CPNE8: variants seen among roughly 807,000 people sequenced by gnomAD.
CPNE8 encodes copine 8, also known as copine-8.
CPNE8 carries 45 observed loss-of-function variants against 81.5 expected under a neutral mutation model. The observed-to-expected ratio is 0.55, with a 90% CI of 0.44 to 0.71. The LOEUF is 0.71. CPNE8 is among the 30% of genes least tolerant of loss of function. CPNE8 has a pLI of 0.00. For missense variants in CPNE8, 594 were observed against 672.1 expected (o/e 0.88, Z 1.28); for synonymous variants, 252 against 226.3 (o/e 1.11, Z -1.02).
Position 38,716,479 on chromosome 12 carries a change from G to A in CPNE8, c.914+7293C>T, listed in dbSNP as rs567851887. On this transcript the variant is annotated intron_variant, in intron 13 of 19. Coordinates refer to ENST00000331366, the MANE Select transcript of CPNE8 (RefSeq NM_153634.3). ...AGATCAAGGAACAGAACAGAGAACC[G>A]AGGTGTAAAGCCAAATAGAACTAAC... is the stretch of plus-strand genomic sequence containing the variant. Among the ~76,000 whole-genome samples, 6 of 151,636 alleles carry A rather than the reference G, an allele frequency of 4.0e-5. No homozygotes were observed. In the South Asian group the frequency reaches 8.3e-4, roughly 21 times the overall value.
chr12:38,777,535 C>T (rs1941961256), intron 6 of CPNE8, among the ~76,000 whole-genome samples: 1 of 152,248 alleles, frequency 6.6e-6, no homozygotes, highest in Admixed American at 6.5e-5. Context: ...AGTATAATGT[C>T]TCAGGGCCTC....
intron 4 of CPNE8, among the ~76,000 whole-genome samples, chr12:38,841,434 T>C (rs1340552694): frequency 2.6e-5 from 4 of 152,162 alleles, no homozygotes; most frequent in Non-Finnish European, 5.9e-5. Flanking sequence ...AAAAATACAA[T>C]GTGTGACTCT....
At chr12:38,745,230 C>T (rs893121976) in intron 10 of CPNE8, among the ~76,000 whole-genome samples, 3 of 152,152 alleles carry the variant, frequency 2.0e-5, no homozygotes, top group African/African-American at 7.2e-5. Context: ...AATATCCATC[C>T]TTTTTTGATT....
rs572155677 is a variant in CPNE8 at position 38,744,683 on chromosome 12, AACTTCGGC to A, written c.723-14333_723-14326del. ...ACATTCTGAAGCTGTCATCTAGGCA[AACTTCGGC>A]AAGAAGCTGAACTTCTATTCATTTA... is the stretch of plus-strand genomic sequence containing the variant. On this transcript the variant is annotated intron_variant, in intron 10 of 19. Coordinates refer to ENST00000331366, the MANE Select transcript of CPNE8 (RefSeq NM_153634.3). Among the ~76,000 whole-genome samples the A allele has an allele frequency of 3.1e-3, 468 of 152,326 alleles. 1 individual carries two copies. The highest frequency in any genetic ancestry group is 0.01 in the African/African-American group (430 of 41,578).
At chr12:38,882,073 C>G (rs1207546097) in intron 1 of CPNE8, among the ~76,000 whole-genome samples, 1 of 152,152 alleles carries the variant, frequency 6.6e-6, no homozygotes, top group Non-Finnish European at 1.5e-5. Flanking sequence ...CATATCAGGT[C>G]CAAATCCCTG....
At chr12:38,878,128 G>A (rs566132052) in intron 1 of CPNE8, among the ~76,000 whole-genome samples, 1 of 152,168 alleles carries the variant, frequency 6.6e-6, no homozygotes, top group Non-Finnish European at 1.5e-5. Context: ...AATCCACCCC[G>A]TGGATATAAT....
intron 13 of CPNE8, among the ~76,000 whole-genome samples, chr12:38,712,606 C>T (rs568332572): frequency 6.6e-6 from 1 of 152,184 alleles, no homozygotes; most frequent in South Asian, 2.1e-4. Context: ...TGTATGGGGC[C>T]TGTTGATAAA....
chr12:38,697,022 G>A (rs577663557), intron 14 of CPNE8, among the ~76,000 whole-genome samples: 70 of 152,232 alleles, frequency 4.6e-4, no homozygotes, highest in South Asian at 1.2e-3. Flanking sequence ...ACTCCAGCCT[G>A]GGCGACAGAG....
chr12:38,727,499 AT>A (rs1940731030), intron 11 of CPNE8, among the ~76,000 whole-genome samples: 1 of 152,172 alleles, frequency 6.6e-6, no homozygotes, highest in Non-Finnish European at 1.5e-5. Flanking sequence ...CTTAAAAAAA[AT>A]GTGTCTTTTC....
chr12:38,674,715 CA>C (rs1372334432), intron 18 of CPNE8, among the ~76,000 whole-genome samples: 1 of 152,066 alleles, frequency 6.6e-6, no homozygotes, highest in African/African-American at 2.4e-5. Context: ...TTAGGGATTC[CA>C]GGGTCAGCAA....
chr12:38,682,471 T>C (rs1939432250), intron 16 of CPNE8, among the ~76,000 whole-genome samples: 1 of 152,120 alleles, frequency 6.6e-6, no homozygotes, highest in Non-Finnish European at 1.5e-5. Flanking sequence ...GGCAGGAGAA[T>C]TGCTTGAACC....
chr12:38,848,663 C>T lies in CPNE8; in HGVS notation c.187-1G>A. On this transcript the variant is annotated splice_acceptor_variant, in intron 3 of 19. Transcript: ENST00000331366. LOFTEE classifies it high-confidence loss of function. Reference sequence around the variant, plus strand: ...TATCAATTACTTCAGTTCTTCCAAACTGTGGAAAGAGAGAGAGAATTTAAA... The same window carrying T: ...TATCAATTACTTCAGTTCTTCCAAATTGTGGAAAGAGAGAGAGAATTTAAA... The T allele has an allele frequency of 1.3e-6, 2 of 1,585,478 alleles. No homozygotes were observed. The highest frequency in any genetic ancestry group is 1.7e-6 in the Non-Finnish European group (2 of 1,170,958).
At chr12:38,728,307 T>C (rs1442831451) in intron 11 of CPNE8, among the ~76,000 whole-genome samples, 4 of 152,052 alleles carry the variant, frequency 2.6e-5, no homozygotes, top group Non-Finnish European at 5.9e-5. Flanking sequence ...ATTACAAATA[T>C]ATTGAAAGAA....
chr12:38,697,506 G>C (rs1939826449), intron 14 of CPNE8, among the ~76,000 whole-genome samples: 1 of 152,030 alleles, frequency 6.6e-6, no homozygotes, highest in Non-Finnish European at 1.5e-5. Context: ...TAAGTCTCTT[G>C]AGTATATATC....
intron 1 of CPNE8, among the ~76,000 whole-genome samples, chr12:38,890,168 TTTTC>T (rs972526443): frequency 2.0e-4 from 30 of 149,426 alleles, no homozygotes; most frequent in Admixed American, 4.0e-4. Flanking sequence ...GGCTTTATAA[TTTTC>T]TTTTTTTTTC....
intron 5 of CPNE8, among the ~76,000 whole-genome samples, chr12:38,837,308 A>G (rs931977471): frequency 6.6e-6 from 1 of 152,176 alleles, no homozygotes; most frequent in Non-Finnish European, 1.5e-5. Flanking sequence ...AATTATTCTC[A>G]AGATAAATCA....
chr12:38,756,038 T>TAAAAAAA (rs1941451697), intron 10 of CPNE8, among the ~76,000 whole-genome samples: 1 of 11,718 alleles, frequency 8.5e-5, no homozygotes. Context: ...AGACTCCGTC[T>TAAAAAAA]CAAAAAAAAA....
intron 6 of CPNE8, among the ~76,000 whole-genome samples, chr12:38,806,594 G>A (rs899628179): frequency 6.1e-5 from 9 of 148,662 alleles, no homozygotes; most frequent in Admixed American, 1.3e-4. Context: ...GTACTGATGG[G>A]ACGTATCTCA....
chr12:38,856,299 C>T (rs950248492), intron 3 of CPNE8, among the ~76,000 whole-genome samples: 25 of 152,104 alleles, frequency 1.6e-4, no homozygotes, highest in African/African-American at 6.0e-4. Context: ...CAATATCAAT[C>T]TTCCTTAAAT....
Sources: gnomAD v4.1 joint callset for allele counts (sites outside exome capture counted in the v4.1 genomes callset) on GRCh38, gnomAD v4.1.1 for gene constraint, MANE v1.5 for transcripts, NCBI Gene and HGNC (gene_info 2026-07-23, HGNC 2026-07-21) for gene names.